The following CERS5 variants were observed in gnomAD, a reference collection of about 807,000 sequenced individuals.
The protein encoded by CERS5 is LAG1 homolog, ceramide synthase 5.
CERS5 carries 37 observed loss-of-function variants against 58.9 expected under a neutral mutation model. The observed-to-expected ratio is 0.63, with a 90% CI of 0.48 to 0.83. The LOEUF is 0.83. Among genes scored for constraint, CERS5 ranks in the 40% least tolerant of loss-of-function variants. CERS5 has a pLI of 0.00. For synonymous variants in CERS5, 147 were observed against 177.8 expected, an observed-to-expected ratio of 0.83 and a Z score of 1.38; for missense variants, 398 against 489.3, an observed-to-expected ratio of 0.81 and a Z score of 1.76.
intron 9 of CERS5, chr12:50,133,840 A>G (rs181288013): frequency 9.7e-6 from 8 of 827,312 alleles, no homozygotes; most frequent in Non-Finnish European, 8.7e-6. Flanking sequence ...TCGGGAGGCC[A>G]AGGTGGGCAG....
chr12:50,144,316 T>G, intron 1 of CERS5: 1 of 366,122 alleles, frequency 2.7e-6, no homozygotes, highest in Non-Finnish European at 5.0e-6. Flanking sequence ...CTGGAAGCTT[T>G]TTAGAGATGC....
At chr12:50,151,212 C>T (rs1937923166) in intron 1 of CERS5, among the ~76,000 whole-genome samples, 1 of 152,204 alleles carries the variant, frequency 6.6e-6, no homozygotes, top group Non-Finnish European at 1.5e-5. Flanking sequence ...TGTCCCTACA[C>T]TCCACTGAAG....
At chr12:50,152,345 C>T (rs995153101) in intron 1 of CERS5, among the ~76,000 whole-genome samples, 21 of 152,202 alleles carry the variant, frequency 1.4e-4, no homozygotes, top group African/African-American at 5.1e-4. Context: ...AGAGCTAGGT[C>T]TTCTCAATTT....
At chr12:50,155,048 GGGTTTC>G (rs1938411821) in intron 1 of CERS5, among the ~76,000 whole-genome samples, 1 of 151,876 alleles carries the variant, frequency 6.6e-6, no homozygotes, top group Admixed American at 6.6e-5. Context: ...AGTAGAGACG[GGGTTTC>G]ACCGTGTTGG....
chr12:50,148,904 C>CAAAAAA (rs71083511), intron 1 of CERS5, among the ~76,000 whole-genome samples: 1 of 72,082 alleles, frequency 1.4e-5, no homozygotes, highest in African/African-American at 6.1e-5. Flanking sequence ...GACTCCATCT[C>CAAAAAA]AAAAAAAAAA....
At chr12:50,138,341 T>C (rs1010419914) in intron 5 of CERS5, among the ~76,000 whole-genome samples, 5 of 151,640 alleles carry the variant, frequency 3.3e-5, no homozygotes, top group Non-Finnish European at 5.9e-5. Context: ...AAAAAACTCA[T>C]TGGATTTCAT....
At chr12:50,135,228 G>A (rs1297246138) in intron 8 of CERS5, among the ~76,000 whole-genome samples, 1 of 84,828 alleles carries the variant, frequency 1.2e-5, no homozygotes, top group Non-Finnish European at 2.4e-5. Flanking sequence ...AGAGAGAGGA[G>A]GACAGGGAGG....
At chr12:50,163,022 C>T (rs34345842) in intron 1 of CERS5, among the ~76,000 whole-genome samples, 4,203 of 152,234 alleles carry the variant, frequency 0.028, 92 homozygotes, top group South Asian at 0.045. Flanking sequence ...CATCAGCCTC[C>T]TGAGTAGCTG....
chr12:50,144,860 G>C (rs947845802), intron 1 of CERS5: 10 of 1,337,022 alleles, frequency 7.5e-6, no homozygotes, highest in Non-Finnish European at 1.0e-5. Context: ...AAAAAGCCGG[G>C]CGTGGTGGCT....
intron 1 of CERS5, among the ~76,000 whole-genome samples, chr12:50,148,927 A>AAAAT (rs1952489128): frequency 6.2e-5 from 3 of 48,008 alleles, no homozygotes; most frequent in African/African-American, 1.5e-4. Flanking sequence ...AAAAAAAAAA[A>AAAAT]ATATATATAT....
At chr12:50,140,237 T>A (rs1951893447) in intron 4 of CERS5, among the ~76,000 whole-genome samples, 1 of 151,980 alleles carries the variant, frequency 6.6e-6, no homozygotes, top group Non-Finnish European at 1.5e-5. Context: ...CTCTTGTGAT[T>A]TTTTATTTGA....
rs561117963 is a variant in CERS5 at position 50,137,905 on chromosome 12, A to G, written c.544-85T>C. ...CAACTTTCTCTGCCTTGGAGGACCA[A>G]TACCCCAAATTATTAGACATCTCTC... On this transcript the variant is annotated intron_variant, in intron 5 of 9. Coordinates refer to ENST00000317551, the MANE Select transcript of CERS5 (RefSeq NM_147190.5). 15 of 813,172 alleles carry G rather than the reference A, an allele frequency of 1.8e-5. No individual in the cohort carries two copies. In the South Asian group the frequency reaches 2.2e-4, roughly 12 times the overall value. 50.4% of individuals were successfully genotyped at this position (813,172 alleles called of 1,614,324 possible). A position where few individuals can be genotyped will look rare whatever the true frequency, so the allele number is the denominator to read the frequency against.
At chr12:50,159,855 T>C (rs1473205509) in intron 1 of CERS5, among the ~76,000 whole-genome samples, 1 of 152,108 alleles carries the variant, frequency 6.6e-6, no homozygotes, top group Non-Finnish European at 1.5e-5. Context: ...CCTCCCAAAG[T>C]GCTGGGATTA....
At chr12:50,131,441 C>G (rs1004387417) in intron 9 of CERS5, among the ~76,000 whole-genome samples, 1 of 151,750 alleles carries the variant, frequency 6.6e-6, no homozygotes, top group Non-Finnish European at 1.5e-5. Flanking sequence ...CACCTGTAAT[C>G]CCAGCTACTC....
At chr12:50,163,335 A>G (rs1939514937) in intron 1 of CERS5, among the ~76,000 whole-genome samples, 1 of 152,038 alleles carries the variant, frequency 6.6e-6, no homozygotes, top group African/African-American at 2.4e-5. Context: ...AGTAGCTGGG[A>G]TTACAGGCGC....
intron 6 of CERS5, among the ~76,000 whole-genome samples, chr12:50,136,392 A>G (rs950805279): frequency 2.0e-5 from 3 of 151,896 alleles, no homozygotes; most frequent in African/African-American, 7.3e-5. Context: ...AGAATTGCTC[A>G]AACCTGGGAG....
chr12:50,149,349 A>T (rs979538314), intron 1 of CERS5, among the ~76,000 whole-genome samples: 3 of 152,134 alleles, frequency 2.0e-5, no homozygotes, highest in Non-Finnish European at 2.9e-5. Context: ...ACCCATCCTG[A>T]CAGTATTAGA....
intron 1 of CERS5, chr12:50,153,814 C>CGTGAT (rs1303052214): frequency 8.3e-6 from 3 of 363,510 alleles, no homozygotes; most frequent in Non-Finnish European, 1.6e-5. Context: ...ATTAACTGGG[C>CGTGAT]GTGATGGCGC....
chr12:50,149,220 AAAT>A (rs985853487), intron 1 of CERS5, among the ~76,000 whole-genome samples: 16 of 152,004 alleles, frequency 1.1e-4, no homozygotes, highest in African/African-American at 3.9e-4. Context: ...CCACATTTTA[AAAT>A]AATTTGTCAG....
Sources: allele counts gnomAD v4.1 joint callset (sites outside exome capture counted in the v4.1 genomes callset), GRCh38; gene constraint gnomAD v4.1.1; transcripts MANE v1.5; gene names NCBI Gene and HGNC (gene_info 2026-07-23, HGNC 2026-07-21).